The following KLF3 variants were observed in gnomAD, a reference collection of about 807,000 sequenced individuals.
The protein encoded by KLF3 is Krueppel-like factor 3.
KLF3 carries 6 observed loss-of-function variants against 32.7 expected under a neutral mutation model. The observed-to-expected ratio is 0.18, with a 90% CI of 0.10 to 0.36. The LOEUF is 0.36. KLF3 is among the 10% of genes least tolerant of loss of function. The probability of loss-of-function intolerance (pLI) is 1.00; values close to 1 mark genes in which losing one functional copy is unlikely to be tolerated. For synonymous variants in KLF3, 145 were observed against 172.8 expected (o/e 0.84, Z 1.26); for missense variants, 338 against 449.7 (o/e 0.75, Z 2.25).
At chr4:38,691,920 G>T (rs1258831730) in intron 4 of KLF3, among the ~76,000 whole-genome samples, 8 of 152,208 alleles carry the variant, frequency 5.3e-5, no homozygotes, top group Non-Finnish European at 1.2e-4. Context: ...AATAATATTT[G>T]CCTTAAGAAA....
rs560229490 is a variant in KLF3 at position 38,674,642 on chromosome 4, C to T, written c.-39-5945C>T. Among the ~76,000 whole-genome samples the T allele has an allele frequency of 2.0e-5, 3 of 151,932 alleles. No homozygotes were observed. The South Asian group carries it at 6.2e-4, about 32-fold the overall frequency. The stretch of plus-strand genomic sequence containing the variant: ...GAGGAAGGCAGGTGATTTGGAGCCT[C>T]GGGGTCAGTCCTGGGTTGGGGAAGA... On this transcript the variant is annotated intron_variant, in intron 1 of 5. Transcript: ENST00000261438. This position sits in a 1 kb window ranked among gnomAD's most constrained non-coding sequence, Gnocchi z 4.1.
At chr4:38,695,893 C>G (rs904036512) in intron 5 of KLF3, among the ~76,000 whole-genome samples, 1 of 151,918 alleles carries the variant, frequency 6.6e-6, no homozygotes, top group Non-Finnish European at 1.5e-5. Context: ...ATCATTTTTA[C>G]TCAGAAAATT....
At chr4:38,691,838 G>A (rs541985356) in intron 4 of KLF3, among the ~76,000 whole-genome samples, 4 of 152,266 alleles carry the variant, frequency 2.6e-5, no homozygotes, top group South Asian at 4.1e-4. Context: ...AGCAGCCCAC[G>A]TAGGAAACCA....
At chr4:38,675,220 T>C (rs533793356) in intron 1 of KLF3, among the ~76,000 whole-genome samples, 1 of 152,344 alleles carries the variant, frequency 6.6e-6, no homozygotes, top group South Asian at 2.1e-4. Flanking sequence ...GTTTCTCCTT[T>C]TTGAGGACCA....
Position 38,688,735 on chromosome 4 carries a change from A to T in KLF3, c.208A>T (p.Ser70Cys), listed in dbSNP as rs201836837. ...AGTGGACCTCACGGTGAACAAGCGGAGTTCACCCCCTTCGGCTGGGAATTC... is the reference window on the plus strand; with the variant it reads ...AGTGGACCTCACGGTGAACAAGCGGTGTTCACCCCCTTCGGCTGGGAATTC... Reference protein sequence around the residue: ...EPVDLTVNKRSSPPSAGNSPS... With the variant: ...EPVDLTVNKRCSPPSAGNSPS... Residue 70 changes from serine to cysteine, a missense_variant, in exon 3 of 6, where the codon AGT becomes TGT. By Grantham distance (112) the Ser-to-Cys change is moderately radical. Coordinates refer to ENST00000261438, the MANE Select transcript of KLF3 (RefSeq NM_016531.6). The surrounding 1 kb of genome is among the most constrained non-coding windows in gnomAD (Gnocchi z 4.9). 1.9e-5 allele frequency: 31 copies of T among 1,614,052 alleles called. No individual in the cohort carries two copies. The highest frequency in any genetic ancestry group is 2.6e-5 in the Non-Finnish European group (31 of 1,180,028).
intron 2 of KLF3, among the ~76,000 whole-genome samples, chr4:38,685,751 C>T (rs1722674378): frequency 6.6e-6 from 1 of 152,126 alleles, no homozygotes; most frequent in South Asian, 2.1e-4. Flanking sequence ...CCTCCCATTT[C>T]CTAAAGTTTT....
chr4:38,677,110 G>GCCAC, intron 1 of KLF3, among the ~76,000 whole-genome samples: 1 of 151,880 alleles, frequency 6.6e-6, no homozygotes, highest in Non-Finnish European at 1.5e-5. Context: ...GCAGGTGTGC[G>GCCAC]CCACCACACC....
chr4:38,692,331 G>A (rs758608541), intron 4 of KLF3, among the ~76,000 whole-genome samples: 1 of 152,178 alleles, frequency 6.6e-6, no homozygotes, highest in African/African-American at 2.4e-5. Context: ...ACCAACATCA[G>A]CGTCTTCAGA....
intron 3 of KLF3, 41 bp from the exon 4 acceptor site, chr4:38,689,688 T>C (rs1722820122): frequency 6.9e-7 from 1 of 1,457,638 alleles, no homozygotes. Flanking sequence ...CTGAAATTGG[T>C]AAACTGTACG....
At chr4:38,677,283 CTA>C (rs1414239062) in intron 1 of KLF3, among the ~76,000 whole-genome samples, 2 of 152,096 alleles carry the variant, frequency 1.3e-5, no homozygotes, top group African/African-American at 4.8e-5. Context: ...TTATACTAGA[CTA>C]TGTTTCTCTT....
chr4:38,687,525 T>C lies in KLF3; in HGVS notation c.58-1060T>C, dbSNP rs559800413. Among the ~76,000 whole-genome samples the C allele has an allele frequency of 7.9e-5, 12 of 152,264 alleles. No individual in the cohort carries two copies. In the South Asian group the frequency reaches 2.3e-3, roughly 29 times the overall value. ...AGAGAGAAAGGTGTTTGAAGATAAA[T>C]GAGGTCAGTTGTGGACCAGATCTTG... On this transcript the variant is annotated intron_variant, in intron 2 of 5. Coordinates refer to ENST00000261438, the MANE Select transcript of KLF3 (RefSeq NM_016531.6).
At chr4:38,682,111 T>A (rs145452637) in intron 2 of KLF3, among the ~76,000 whole-genome samples, 5 of 152,344 alleles carry the variant, frequency 3.3e-5, no homozygotes, top group African/African-American at 1.2e-4. Flanking sequence ...TAGGCGGGAG[T>A]GCAGTGGTGT....
chr4:38,694,774 G>A lies in KLF3; in HGVS notation c.724G>A (p.Gly242Arg). 6.3e-7 allele frequency: 1 copy of A among 1,591,194 alleles called. No homozygotes were observed. Residue 242 changes from glycine (G) to arginine (R), a missense_variant, in exon 5 of 6, where the codon GGG becomes AGG. Around this residue, in one of 2 missense-constraint regions of KLF3, gnomAD observed 66 missense variants for 136.2 expected, o/e 0.48. Coordinates refer to ENST00000261438, the MANE Select transcript of KLF3 (RefSeq NM_016531.6). Reference protein sequence around the residue: ...ENHPSVIVQPGKRPLPVESPD... With the variant: ...ENHPSVIVQPRKRPLPVESPD... ...TCACCCTTCGGTCATCGTGCAGCCT[G>A]GGAAGAGACCTTTACCTGTGGAATC...
At chr4:38,681,606 A>G (rs142525127) in intron 2 of KLF3, among the ~76,000 whole-genome samples, 1 of 152,350 alleles carries the variant, frequency 6.6e-6, no homozygotes, top group East Asian at 1.9e-4. Context: ...AAGGTGAGAC[A>G]TGGTGACAGA....
intron 1 of KLF3, among the ~76,000 whole-genome samples, chr4:38,669,264 T>C (rs10440314): frequency 1.3e-5 from 2 of 152,208 alleles, no homozygotes; most frequent in African/African-American, 2.4e-5. Context: ...ACAATTGATA[T>C]CTAGTTTGCT....
chr4:38,687,611 G>C (rs1178251618), intron 2 of KLF3, among the ~76,000 whole-genome samples: 2 of 152,218 alleles, frequency 1.3e-5, no homozygotes, highest in African/African-American at 4.8e-5. Flanking sequence ...AGCCTCATTT[G>C]ATGAGTGGGT....
Position 38,689,886 on chromosome 4 carries a change from A to G in KLF3, c.695+7A>G. ...CGCAAGCATTGTTGCAAGAGTAAGT[A>G]TATTTAGGTCTACCCAGCATTTGCA... On this transcript the variant is annotated splice_region_variant and intron_variant, in intron 4 of 5. Coordinates refer to ENST00000261438, the MANE Select transcript of KLF3 (RefSeq NM_016531.6). 7.4e-7 allele frequency: 1 copy of G among 1,354,124 alleles called. No individual in the cohort carries two copies. Among genetic ancestry groups the G allele is most frequent in the Non-Finnish European group, 9.8e-7 (1 of 1,020,502 alleles). 83.9% of individuals were successfully genotyped at this position (1,354,124 alleles called of 1,614,324 possible). A position where few individuals can be genotyped will look rare whatever the true frequency, so the allele number is the denominator to read the frequency against.
At chr4:38,694,024 A>G (rs76035402) in intron 4 of KLF3, among the ~76,000 whole-genome samples, 2,042 of 152,310 alleles carry the variant, frequency 0.013, 15 homozygotes, top group Non-Finnish European at 0.021. Context: ...AGCCAGCATC[A>G]TGGGTGACCA....
rs1553894168 is a variant in KLF3, at chr4:38,686,460, A to AAG, written c.58-2124_58-2123insGA. On this transcript the variant is annotated intron_variant, in intron 2 of 5. Transcript: ENST00000261438. ...CCCTATCTCAAAAAAAAAAAAAAAA[A>AAG]AAAGAAAAGAAAATTCTTTTTCCCT... is the stretch of plus-strand genomic sequence containing the variant. Among the ~76,000 whole-genome samples the AAG allele has an allele frequency of 2.8e-4, 42 of 148,598 alleles. No individual in the cohort carries two copies. The East Asian group carries it at 6.9e-3, about 25-fold the overall frequency.
Sources: allele counts gnomAD v4.1 joint callset (sites outside exome capture counted in the v4.1 genomes callset), GRCh38; gene constraint gnomAD v4.1.1; regional missense constraint gnomAD v4.1.1; non-coding constraint Gnocchi (gnomAD v3.1); transcripts MANE v1.5; gene names NCBI Gene and HGNC (gene_info 2026-07-23, HGNC 2026-07-21).